Variants in TAAR6 observed in about 807,000 individuals in gnomAD.
TAAR6 encodes trace amine associated receptor 6, also known as trace amine-associated receptor 6.
In TAAR6, 15 loss-of-function variants were observed where a neutral mutation model predicts 18.4. That is an observed-to-expected ratio of 0.82 (90% CI 0.55 to 1.26). The LOEUF (loss-of-function observed/expected upper bound fraction) is 1.26, where lower values mean the gene tolerates loss of function less well. Among genes scored for constraint, TAAR6 ranks in the 50% most tolerant of loss-of-function variants. The pLI, the probability that TAAR6 is intolerant of heterozygous loss-of-function variation, is 0.00. For missense variants in TAAR6, 501 were observed against 415.9 expected (o/e 1.20, Z -1.78); for synonymous variants, 192 against 162.4 (o/e 1.18, Z -1.39).
rs199865478 is a variant in TAAR6, at chr6:132,570,500, T to C, written c.179T>C (p.Phe60Ser). 5.0e-6 allele frequency: 8 copies of C among 1,613,918 alleles called. No homozygotes were observed. Among genetic ancestry groups the C allele is most frequent in the African/African-American group, 2.7e-5 (2 of 74,882 alleles). ...CTGGTGATGATTTCAATCCTCCATT[T>C]CAAGCAGCTGCACTCTCCGACCAAT... is the stretch of plus-strand genomic sequence containing the variant. ...NLLVMISILHFKQLHSPTNFL... is the reference protein window; with the variant it reads ...NLLVMISILHSKQLHSPTNFL... The change falls in exon 1 of 1, where the codon TTC (phenylalanine) becomes TCC (serine). Residue 60 changes from phenylalanine (F) to serine (S), a missense_variant. Phe to Ser is a radical substitution (Grantham distance 155, BLOSUM62 -2). Transcript: ENST00000275198.
In TAAR6 at chr6:132,571,158, A is replaced by G; in HGVS notation, c.837A>G (p.Leu279=). 6.2e-7 allele frequency: 1 copy of G among 1,614,044 alleles called. No individual in the cohort carries two copies. Among genetic ancestry groups the G allele is most frequent in the Non-Finnish European group, 8.5e-7 (1 of 1,179,970 alleles). ...ISWLPYSIDS[L]IDAFMGFITP... ...GGTTACCATATAGCATTGATTCATT[A>G]ATTGATGCCTTTATGGGCTTTATAA... Residue 279 remains leucine (L), a synonymous_variant, in exon 1 of 1, where the codon TTA becomes TTG. Coordinates refer to ENST00000275198, the MANE Select transcript of TAAR6 (RefSeq NM_175067.1).
chr6:132,570,727 G>C lies in TAAR6; in HGVS notation c.406G>C (p.Asp136His), dbSNP rs745520897. 2 of 1,614,034 alleles carry C rather than the reference G, an allele frequency of 1.2e-6. No individual in the cohort carries two copies. The highest frequency in any genetic ancestry group is 1.1e-5 in the South Asian group (1 of 91,080). ...CATCGACAGGTACATTGCGGTTACT[G>C]ACCCCCTGGTCTATCCTACCAAGTT... is the stretch of plus-strand genomic sequence containing the variant. The part of the protein sequence containing the change: ...ISIDRYIAVT[D>H]PLVYPTKFTV... The change falls in exon 1 of 1, where the codon GAC becomes CAC. Residue 136 changes from aspartate to histidine, a missense_variant. Physicochemically the swap from Asp to His is moderately conservative, Grantham distance 81. Coordinates refer to ENST00000275198, the MANE Select transcript of TAAR6 (RefSeq NM_175067.1).
chr6:132,571,275 T>C lies in TAAR6; in HGVS notation c.954T>C (p.Phe318=), dbSNP rs1228243652. 1.2e-6 allele frequency: 2 copies of C among 1,614,080 alleles called. No homozygotes were observed. Among genetic ancestry groups the C allele is most frequent in the South Asian group, 2.2e-5 (2 of 91,082 alleles). Residue 318 remains phenylalanine (F), a synonymous_variant, in exon 1 of 1, where the codon TTT becomes TTC. Coordinates refer to ENST00000275198, the MANE Select transcript of TAAR6 (RefSeq NM_175067.1). ...PLIYALFYPW[F]RKAIKVIVTG... ...TTTATGCTTTATTTTACCCATGGTT[T>C]AGGAAAGCAATAAAAGTTATTGTAA...
rs1297090558 is a variant in TAAR6 at position 132,571,119 on chromosome 6, A to T, written c.798A>T (p.Ala266=). 16 of 1,613,952 alleles carry T rather than the reference A, an allele frequency of 9.9e-6. No homozygotes were observed. The East Asian group carries it at 3.6e-4, about 36-fold the overall frequency. Reference sequence around the variant, plus strand: ...AAACCCTGGGGGTCACAGTGGTAGCATTTATGATTTCATGGTTACCATATA... The same window carrying T: ...AAACCCTGGGGGTCACAGTGGTAGCTTTTATGATTTCATGGTTACCATATA... ...AAKTLGVTVV[A]FMISWLPYSI... Residue 266 remains alanine, a synonymous_variant, in exon 1 of 1, where the codon GCA becomes GCT. Transcript: ENST00000275198.
At position 132,570,631 on chromosome 6, in the gene TAAR6, T is replaced by G. The variant is rs1776630374; in HGVS notation, c.310T>G (p.Phe104Val). ...GAGCTGCTGGTATTTTGGGAGGAGT[T>G]TTTGTACTTTCCACACCTGCTGTGA... is the stretch of plus-strand genomic sequence containing the variant. ...VESCWYFGRS[F>V]CTFHTCCDVA... The change falls in exon 1 of 1, where the codon TTT becomes GTT. Residue 104 changes from phenylalanine (F) to valine (V), a missense_variant. Coordinates refer to ENST00000275198, the MANE Select transcript of TAAR6 (RefSeq NM_175067.1). The G allele has an allele frequency of 6.2e-7, 1 of 1,614,034 alleles. No homozygotes were observed. Among genetic ancestry groups the G allele is most frequent in the Non-Finnish European group, 8.5e-7 (1 of 1,179,986 alleles).
chr6:132,571,338 T>C lies in TAAR6; in HGVS notation c.1017T>C (p.Asn339=). 1 of 1,610,542 alleles carries C rather than the reference T, an allele frequency of 6.2e-7. No homozygotes were observed. Among genetic ancestry groups the C allele is most frequent in the Non-Finnish European group, 8.5e-7 (1 of 1,178,722 alleles). ...QVLKNSSATM[N]LFSEHI is the part of the protein sequence containing the mutation. The stretch of plus-strand genomic sequence containing the variant: ...TAAAGAACAGTTCAGCAACCATGAA[T>C]TTGTTTTCTGAACATATATAAGCAG... Residue 339 remains asparagine, a synonymous_variant, in exon 1 of 1, where the codon AAT becomes AAC. Transcript: ENST00000275198.
In TAAR6 at chr6:132,570,504, G is replaced by C. The variant is rs938855473; in HGVS notation, c.183G>C (p.Lys61Asn). ...TGATGATTTCAATCCTCCATTTCAAGCAGCTGCACTCTCCGACCAATTTTC... is the reference window on the plus strand; with the variant it reads ...TGATGATTTCAATCCTCCATTTCAACCAGCTGCACTCTCCGACCAATTTTC... ...LLVMISILHF[K>N]QLHSPTNFLV... is the part of the protein sequence containing the mutation. The change falls in exon 1 of 1, where the codon AAG becomes AAC. Residue 61 changes from lysine (K) to asparagine (N), a missense_variant. Transcript: ENST00000275198. The C allele has an allele frequency of 8.1e-6, 13 of 1,613,816 alleles. No homozygotes were observed. The Admixed American group carries it at 1.3e-4, about 17-fold the overall frequency.
chr6:132,571,058 A>C lies in TAAR6; in HGVS notation c.737A>C (p.Lys246Thr). 1 of 1,614,116 alleles carries C rather than the reference A, an allele frequency of 6.2e-7. No homozygotes were observed. The highest frequency in any genetic ancestry group is 8.5e-7 in the Non-Finnish European group (1 of 1,180,000). The change falls in exon 1 of 1, where the codon AAA becomes ACA. Residue 246 changes from lysine (K) to threonine (T), a missense_variant. Lys to Thr is a moderately conservative substitution (Grantham distance 78). Coordinates refer to ENST00000275198, the MANE Select transcript of TAAR6 (RefSeq NM_175067.1). ...ACAGAATCATCCTCAGAGAGTTACAAAGCCAGAGTGGCCAGGAGAGAGAGA... is the reference window on the plus strand; with the variant it reads ...ACAGAATCATCCTCAGAGAGTTACACAGCCAGAGTGGCCAGGAGAGAGAGA... ...SKTESSSESY[K>T]ARVARRERKA...
chr6:132,570,818 C>T lies in TAAR6; in HGVS notation c.497C>T (p.Ala166Val). The T allele has an allele frequency of 6.2e-7, 1 of 1,614,108 alleles. No homozygotes were observed. The change falls in exon 1 of 1, where the codon GCT becomes GTT. Residue 166 changes from alanine to valine, a missense_variant. By Grantham distance (64) the Ala-to-Val change is moderately conservative (BLOSUM62 0). Transcript: ENST00000275198. ...SWILPLMYSG[A>V]VFYTGVYDDG... ...ATCCTGCCCCTCATGTACAGCGGTG[C>T]TGTGTTCTACACAGGTGTCTATGAC...
Position 132,570,359 on chromosome 6 carries a change from T to A in TAAR6, c.38T>A (p.Leu13Gln). ...TCATCCCTGCTGGTGGCTGTGCAGC[T>A]GTGCTACGCGAACGTGAATGGGTCC... is the stretch of plus-strand genomic sequence containing the variant. ...SNSSLLVAVQ[L>Q]CYANVNGSCV... Residue 13 changes from leucine (L) to glutamine (Q), a missense_variant, in exon 1 of 1, where the codon CTG becomes CAG. Coordinates refer to ENST00000275198, the MANE Select transcript of TAAR6 (RefSeq NM_175067.1). The A allele has an allele frequency of 1.2e-6, 2 of 1,613,238 alleles. No individual in the cohort carries two copies. Among genetic ancestry groups the A allele is most frequent in the Non-Finnish European group, 1.7e-6 (2 of 1,179,212 alleles).
rs1429965564 is a variant in TAAR6, at chr6:132,571,192, T to C, written c.871T>C (p.Cys291Arg). Residue 291 changes from cysteine (C) to arginine (R), a missense_variant, in exon 1 of 1, where the codon TGT (cysteine) becomes CGT (arginine). Cys to Arg is a radical substitution (Grantham distance 180). Coordinates refer to ENST00000275198, the MANE Select transcript of TAAR6 (RefSeq NM_175067.1). Reference sequence around the variant, plus strand: ...CTTTATGGGCTTTATAACCCCTGCCTGTATTTATGAGATTTGCTGTTGGTG... The same window carrying C: ...CTTTATGGGCTTTATAACCCCTGCCCGTATTTATGAGATTTGCTGTTGGTG... ...DAFMGFITPA[C>R]IYEICCWCAY... The C allele has an allele frequency of 6.2e-7, 1 of 1,613,972 alleles. No homozygotes were observed. The highest frequency in any genetic ancestry group is 1.3e-5 in the African/African-American group (1 of 74,930).
Position 132,570,638 on chromosome 6 carries a change from C to A in TAAR6, c.317C>A (p.Thr106Asn). ...SCWYFGRSFCTFHTCCDVAFC... is the reference protein window; with the variant it reads ...SCWYFGRSFCNFHTCCDVAFC... ...TGGTATTTTGGGAGGAGTTTTTGTA[C>A]TTTCCACACCTGCTGTGATGTGGCA... Residue 106 changes from threonine to asparagine, a missense_variant, in exon 1 of 1, where the codon ACT becomes AAT. Thr to Asn is a moderately conservative substitution (Grantham distance 65, BLOSUM62 0). Coordinates refer to ENST00000275198, the MANE Select transcript of TAAR6 (RefSeq NM_175067.1). 6 of 1,614,096 alleles carry A rather than the reference C, an allele frequency of 3.7e-6. No homozygotes were observed. Among genetic ancestry groups the A allele is most frequent in the Non-Finnish European group, 5.1e-6 (6 of 1,180,006 alleles).
At position 132,571,241 on chromosome 6, in the gene TAAR6, A is replaced by T; in HGVS notation, c.920A>T (p.Asn307Ile). The change falls in exon 1 of 1, where the codon AAT becomes ATT. Residue 307 changes from asparagine to isoleucine, a missense_variant. Asn to Ile is a moderately radical substitution (Grantham distance 149). Coordinates refer to ENST00000275198, the MANE Select transcript of TAAR6 (RefSeq NM_175067.1). ...CWCAYYNSAM[N>I]PLIYALFYPW... ...TGTGCTTATTATAACTCAGCCATGA[A>T]TCCTTTGATTTATGCTTTATTTTAC... 1 of 1,614,128 alleles carries T rather than the reference A, an allele frequency of 6.2e-7. No individual in the cohort carries two copies. Among genetic ancestry groups the T allele is most frequent in the Non-Finnish European group, 8.5e-7 (1 of 1,179,988 alleles).
At position 132,570,443 on chromosome 6, in the gene TAAR6, T is replaced by C; in HGVS notation, c.122T>C (p.Phe41Ser). ...GTGATTCTGTACATAGTGTTTGGCT[T>C]TGGGGCTGTGCTGGCTGTGTTTGGA... Reference protein sequence around the residue: ...SRVILYIVFGFGAVLAVFGNL... With the variant: ...SRVILYIVFGSGAVLAVFGNL... The change falls in exon 1 of 1, where the codon TTT becomes TCT. Residue 41 changes from phenylalanine to serine, a missense_variant. Phe to Ser is a radical substitution (Grantham distance 155). Coordinates refer to ENST00000275198, the MANE Select transcript of TAAR6 (RefSeq NM_175067.1). The C allele has an allele frequency of 6.2e-7, 1 of 1,614,010 alleles. No individual in the cohort carries two copies. Among genetic ancestry groups the C allele is most frequent in the Non-Finnish European group, 8.5e-7 (1 of 1,179,966 alleles).
At position 132,570,496 on chromosome 6, in the gene TAAR6, C is replaced by G; in HGVS notation, c.175C>G (p.His59Asp). Residue 59 changes from histidine to aspartate, a missense_variant, in exon 1 of 1, where the codon CAT becomes GAT. Physicochemically the swap from His to Asp is moderately conservative, Grantham distance 81. Coordinates refer to ENST00000275198, the MANE Select transcript of TAAR6 (RefSeq NM_175067.1). ...CCTCCTGGTGATGATTTCAATCCTC[C>G]ATTTCAAGCAGCTGCACTCTCCGAC... ...GNLLVMISIL[H>D]FKQLHSPTNF... is the part of the protein sequence containing the mutation. The G allele has an allele frequency of 6.2e-7, 1 of 1,613,828 alleles. No individual in the cohort carries two copies. The highest frequency in any genetic ancestry group is 8.5e-7 in the Non-Finnish European group (1 of 1,179,994).
rs1776636779 is a variant in TAAR6 at position 132,570,957 on chromosome 6, T to C, written c.636T>C (p.Ile212=). Residue 212 remains isoleucine, a synonymous_variant, in exon 1 of 1, where the codon ATT becomes ATC. Transcript: ENST00000275198. ...DFLSFFIPTF[I]MIILYGNIFL... The stretch of plus-strand genomic sequence containing the variant: ...TATCCTTCTTTATACCTACCTTTAT[T>C]ATGATAATTCTGTATGGTAACATAT... The C allele has an allele frequency of 1.2e-6, 2 of 1,614,118 alleles. No homozygotes were observed. The highest frequency in any genetic ancestry group is 1.7e-6 in the Non-Finnish European group (2 of 1,180,000).
At position 132,570,843 on chromosome 6, in the gene TAAR6, C is replaced by T. The variant is rs779798582; in HGVS notation, c.522C>T (p.Asp174=). The T allele has an allele frequency of 9.3e-5, 150 of 1,613,994 alleles. No individual in the cohort carries two copies. The highest frequency in any genetic ancestry group is 1.7e-4 in the Admixed American group (10 of 59,990). ...CTGTGTTCTACACAGGTGTCTATGA[C>T]GATGGGCTGGAGGAATTATCTGATG... ...SGAVFYTGVY[D]DGLEELSDAL... The change falls in exon 1 of 1, where the codon GAC becomes GAT. Residue 174 remains aspartate, a synonymous_variant. Transcript: ENST00000275198.
Position 132,570,955 on chromosome 6 carries a change from A to G in TAAR6, c.634A>G (p.Ile212Val). The G allele has an allele frequency of 6.2e-7, 1 of 1,614,070 alleles. No individual in the cohort carries two copies. Among genetic ancestry groups the G allele is most frequent in the African/African-American group, 1.3e-5 (1 of 75,024 alleles). Residue 212 changes from isoleucine to valine, a missense_variant, in exon 1 of 1, where the codon ATT (isoleucine) becomes GTT (valine). Transcript: ENST00000275198. ...DFLSFFIPTF[I>V]MIILYGNIFL... ...TCTATCCTTCTTTATACCTACCTTT[A>G]TTATGATAATTCTGTATGGTAACAT... is the stretch of plus-strand genomic sequence containing the variant.
Position 132,571,090 on chromosome 6 carries a change from G to T in TAAR6, c.769G>T (p.Ala257Ser), listed in dbSNP as rs546669431. 1.9e-6 allele frequency: 3 copies of T among 1,613,946 alleles called. No homozygotes were observed. Among genetic ancestry groups the T allele is most frequent in the African/African-American group, 1.3e-5 (1 of 74,936 alleles). ...ARVARRERKA[A>S]KTLGVTVVAF... ...AGTGGCCAGGAGAGAGAGAAAAGCA[G>T]CTAAAACCCTGGGGGTCACAGTGGT... is the stretch of plus-strand genomic sequence containing the variant. The change falls in exon 1 of 1, where the codon GCT becomes TCT. Residue 257 changes from alanine (A) to serine (S), a missense_variant. By Grantham distance (99) the Ala-to-Ser change is moderately conservative. Transcript: ENST00000275198.
Sources: gnomAD v4.1 joint callset for allele counts on GRCh38, gnomAD v4.1.1 for gene constraint, MANE v1.5 for transcripts, NCBI Gene and HGNC (gene_info 2026-07-23, HGNC 2026-07-21) for gene names.